SELENOH: variants seen among roughly 807,000 people sequenced by gnomAD.
The protein encoded by SELENOH is chromosome 11 open reading frame 31.
SELENOH carries 13 observed loss-of-function variants against 11.9 expected under a neutral mutation model. The ratio of observed to expected loss-of-function variants is 1.09; its 90% CI spans 0.71 to 1.74. The LOEUF (loss-of-function observed/expected upper bound fraction) is 1.74, where lower values mean the gene tolerates loss of function less well. SELENOH is among the 40% of genes most tolerant of loss of function. SELENOH has a pLI of 0.00. For missense variants in SELENOH, 223 were observed against 170.3 expected, an observed-to-expected ratio of 1.31 and a Z score of -1.72; for synonymous variants, 96 against 73.5, an observed-to-expected ratio of 1.31 and a Z score of -1.56.
chr11:57,742,088 TG>T, intron 2 of SELENOH, 28 bp from the exon 3 acceptor site: 1 of 1,599,090 alleles, frequency 6.3e-7, no homozygotes, highest in Non-Finnish European at 8.5e-7. Flanking sequence ...TCCGAAGTAT[TG>T]TAACTTCGCT....
Position 57,741,881 on chromosome 11 carries a change from T to TC in SELENOH, c.197dup (p.Val67SerfsTer?). On this transcript the variant is annotated frameshift_variant, in exon 2 of 4. Transcript: ENST00000534355. LOFTEE classifies it high-confidence loss of function. ...CGCTGCGCCTGGAGGCCCCAGAGCT[T>TC]CCAGTAAAGGTGAACCCGACGAAGC... 6.3e-7 allele frequency: 1 copy of TC among 1,599,510 alleles called. No homozygotes were observed. Among genetic ancestry groups the TC allele is most frequent in the Non-Finnish European group, 8.5e-7 (1 of 1,175,904 alleles).
Position 57,743,074 on chromosome 11 carries a change from G to C in SELENOH, c.*242G>C, listed in dbSNP as rs1311961817. On this transcript the variant is annotated 3_prime_UTR_variant, in exon 4 of 4. Transcript: ENST00000534355. ...AGAGTAAAACTTAATCTTAAGGGATGGACAAAGCCAGCCTTGTGGAGTTGG... is the reference window on the plus strand; with the variant it reads ...AGAGTAAAACTTAATCTTAAGGGATCGACAAAGCCAGCCTTGTGGAGTTGG... 2.0e-5 allele frequency: 3 copies of C among 152,504 alleles called. No homozygotes were observed. Among genetic ancestry groups the C allele is most frequent in the African/African-American group, 7.2e-5 (3 of 41,392 alleles). The allele number at this position is 152,504 out of a possible 1,614,324, so 9.4% of individuals were successfully genotyped here.
chr11:57,741,991 G>A (rs1949094963), intron 2 of SELENOH, 37 bp downstream of exon 2: 1 of 1,579,976 alleles, frequency 6.3e-7, no homozygotes, highest in Non-Finnish European at 8.6e-7. Flanking sequence ...GAGGGACGTG[G>A]GTGAAAGGGA....
rs747062765 is a variant in SELENOH at position 57,741,947 on chromosome 11, C to A, written c.261C>A (p.Asp87Glu). The change falls in exon 2 of 4, where the codon GAC becomes GAA. Residue 87 changes from aspartate (D) to glutamate (E), a missense_variant. Coordinates refer to ENST00000534355, the MANE Select transcript of SELENOH (RefSeq NM_170746.4). ...TCGAGGTGACGCTGCTGCGCCCGGA[C>A]GGCAGCAGTAAGTGGGGACCTGGAT... ...GSFEVTLLRPDGSSAELWTGI... is the reference protein window; with the variant it reads ...GSFEVTLLRPEGSSAELWTGI... The A allele has an allele frequency of 1.3e-6, 2 of 1,587,448 alleles. No individual in the cohort carries two copies. Among genetic ancestry groups the A allele is most frequent in the Non-Finnish European group, 1.7e-6 (2 of 1,171,220 alleles).
Position 57,741,791 on chromosome 11 carries a change from C to A in SELENOH, c.123-18C>A. The A allele has an allele frequency of 6.2e-7, 1 of 1,603,310 alleles. No homozygotes were observed. The highest frequency in any genetic ancestry group is 8.5e-7 in the Non-Finnish European group (1 of 1,175,216). On this transcript the variant is annotated intron_variant, in intron 1 of 3. Coordinates refer to ENST00000534355, the MANE Select transcript of SELENOH (RefSeq NM_170746.4). ...GGGGCCAGGGGCCCCGGTTTCTAACCTCTCCGTCTCTCCCTAGCACTAGCT... is the reference window on the plus strand; with the variant it reads ...GGGGCCAGGGGCCCCGGTTTCTAACATCTCCGTCTCTCCCTAGCACTAGCT...
chr11:57,741,964 G>T lies in SELENOH; in HGVS notation c.268+10G>T. The T allele has an allele frequency of 1.9e-6, 3 of 1,585,282 alleles. No individual in the cohort carries two copies. The highest frequency in any genetic ancestry group is 1.4e-5 in the African/African-American group (1 of 73,520). The stretch of plus-strand genomic sequence containing the variant: ...CGCCCGGACGGCAGCAGTAAGTGGG[G>T]ACCTGGATGTGGGGGAGAGGGACGT... On this transcript the variant is annotated intron_variant, in intron 2 of 3. Coordinates refer to ENST00000534355, the MANE Select transcript of SELENOH (RefSeq NM_170746.4).
rs1160757638 is a variant in SELENOH, at chr11:57,741,587, C to G, written c.-9C>G. 23 of 1,264,148 alleles carry G rather than the reference C, an allele frequency of 1.8e-5. No homozygotes were observed. Among genetic ancestry groups the G allele is most frequent in the Non-Finnish European group, 2.2e-5 (22 of 997,682 alleles). The allele number at this position is 1,264,148 out of a possible 1,614,324, so 78.3% of individuals were successfully genotyped here. ...GTCCCGCTGCATTCTCGGCCGGGCT[C>G]TAGGCGCCATGGCTCCCCGCGGGAG... is the stretch of plus-strand genomic sequence containing the variant. On this transcript the variant is annotated 5_prime_UTR_variant, in exon 1 of 4. Coordinates refer to ENST00000534355, the MANE Select transcript of SELENOH (RefSeq NM_170746.4).
intron 3 of SELENOH, chr11:57,742,449 C>T (rs1949110980): frequency 1.9e-6 from 1 of 532,996 alleles, no homozygotes; most frequent in Non-Finnish European, 3.4e-6. Context: ...ATATTGTTTT[C>T]TGTCTAGTGT....
Position 57,741,566 on chromosome 11 carries a change from C to G in SELENOH, c.-30C>G, listed in dbSNP as rs1286490243. 4.8e-6 allele frequency: 6 copies of G among 1,253,636 alleles called. No individual in the cohort carries two copies. The highest frequency in any genetic ancestry group is 7.9e-5 in the South Asian group (2 of 25,316). 77.7% of individuals were successfully genotyped at this position (1,253,636 alleles called of 1,614,324 possible). On this transcript the variant is annotated 5_prime_UTR_variant, in exon 1 of 4. Transcript: ENST00000534355. ...GTCTCCGCCCCCCACCCACCAGTCCCGCTGCATTCTCGGCCGGGCTCTAGG... is the reference window on the plus strand; with the variant it reads ...GTCTCCGCCCCCCACCCACCAGTCCGGCTGCATTCTCGGCCGGGCTCTAGG...
Position 57,742,282 on chromosome 11 carries a change from T to G in SELENOH, c.*30+35T>G, listed in dbSNP as rs1016402741. Reference sequence around the variant, plus strand: ...GGGAAGTGGGGGGCGCGACCGCTGTTGAGGAAGAGAAGGCATTGATCTTGG... The same window carrying G: ...GGGAAGTGGGGGGCGCGACCGCTGTGGAGGAAGAGAAGGCATTGATCTTGG... On this transcript the variant is annotated intron_variant, in intron 3 of 3. Coordinates refer to ENST00000534355, the MANE Select transcript of SELENOH (RefSeq NM_170746.4). 2.7e-5 allele frequency: 39 copies of G among 1,437,676 alleles called. 1 individual carries two copies. Among genetic ancestry groups the G allele is most frequent in the Middle Eastern group, 3.9e-4 (2 of 5,064 alleles). The allele number at this position is 1,437,676 out of a possible 1,614,324, so 89.1% of individuals were successfully genotyped here. A position where few individuals can be genotyped will look rare whatever the true frequency, so the allele number is the denominator to read the frequency against.
At chr11:57,741,754 G>C (rs1269051927) in intron 1 of SELENOH, 37 bp downstream of exon 1, 1 of 1,598,502 alleles carries the variant, frequency 6.3e-7, no homozygotes, top group African/African-American at 1.4e-5. Context: ...AGAGGGAACA[G>C]TGGCGCCGGG....
chr11:57,741,759 G>T, intron 1 of SELENOH, 42 bp downstream of exon 1: 1 of 1,597,200 alleles, frequency 6.3e-7, no homozygotes, highest in South Asian at 1.1e-5. Flanking sequence ...GAACAGTGGC[G>T]CCGGGGGGGG....
chr11:57,743,494 A>T lies in SELENOH; in HGVS notation c.*662A>T, dbSNP rs916041570. The T allele has an allele frequency of 6.6e-6, 1 of 152,240 alleles. No individual in the cohort carries two copies. 9.4% of individuals were successfully genotyped at this position (152,240 alleles called of 1,614,324 possible). On this transcript the variant is annotated 3_prime_UTR_variant, in exon 4 of 4. Coordinates refer to ENST00000534355, the MANE Select transcript of SELENOH (RefSeq NM_170746.4). ...CAACTTTTATGATCTCTGGTAAAAC[A>T]TGAGAAATACTTGTAAAAATTATGG... is the stretch of plus-strand genomic sequence containing the variant.
chr11:57,741,603 C>A lies in SELENOH; in HGVS notation c.8C>A (p.Pro3His). 7.9e-7 allele frequency: 1 copy of A among 1,271,222 alleles called. No individual in the cohort carries two copies. Among genetic ancestry groups the A allele is most frequent in the Non-Finnish European group, 1.0e-6 (1 of 1,001,250 alleles). The allele number at this position is 1,271,222 out of a possible 1,614,324, so 78.7% of individuals were successfully genotyped here. The change falls in exon 1 of 4, where the codon CCC becomes CAC. Residue 3 changes from proline to histidine, a missense_variant. By Grantham distance (77) the Pro-to-His change is moderately conservative. Transcript: ENST00000534355. MAPRGRKRKAEAA... is the reference protein window; with the variant it reads MAHRGRKRKAEAA... ...GGCCGGGCTCTAGGCGCCATGGCTC[C>A]CCGCGGGAGGAAGCGTAAGGCTGAG...
chr11:57,742,251 T>C lies in SELENOH; in HGVS notation c.*30+4T>C. ...GGGTAGAAGCCCTCATGCTGAGGTT[T>C]GAAATGGGAAGTGGGGGGCGCGACC... On this transcript the variant is annotated splice_donor_region_variant and intron_variant, in intron 3 of 3. Coordinates refer to ENST00000534355, the MANE Select transcript of SELENOH (RefSeq NM_170746.4). The C allele has an allele frequency of 6.4e-7, 1 of 1,562,802 alleles. No individual in the cohort carries two copies. Among genetic ancestry groups the C allele is most frequent in the Non-Finnish European group, 8.7e-7 (1 of 1,146,518 alleles).
chr11:57,742,196 G>C lies in SELENOH; in HGVS notation c.348G>C (p.Glu116Asp). Residue 116 changes from glutamate (E) to aspartate (D), a missense_variant, in exon 3 of 4, where the codon GAG (glutamate) becomes GAC (aspartate). Physicochemically the swap from Glu to Asp is conservative, Grantham distance 45. Coordinates refer to ENST00000534355, the MANE Select transcript of SELENOH (RefSeq NM_170746.4). ...CTGAGCCTCAAGAGGTGGTGGAAGAGTTGAAGAAGTACCTGTCGTAGGGAG... is the reference window on the plus strand; with the variant it reads ...CTGAGCCTCAAGAGGTGGTGGAAGACTTGAAGAAGTACCTGTCGTAGGGAG... ...KFPEPQEVVE[E>D]LKKYLS 1.2e-6 allele frequency: 2 copies of C among 1,610,614 alleles called. No homozygotes were observed. Among genetic ancestry groups the C allele is most frequent in the South Asian group, 1.1e-5 (1 of 90,110 alleles).
rs771399022 is a variant in SELENOH, at chr11:57,741,811, C to G, written c.125C>G (p.Thr42Ser). 2 of 1,605,734 alleles carry G rather than the reference C, an allele frequency of 1.2e-6. No homozygotes were observed. The highest frequency in any genetic ancestry group is 2.2e-5 in the South Asian group (2 of 89,746). Residue 42 changes from threonine (T) to serine (S), a missense_variant and splice_region_variant, in exon 2 of 4, where the codon ACT becomes AGT. By Grantham distance (58) the Thr-to-Ser change is moderately conservative. Transcript: ENST00000534355. ...EEATVVIEHC[T>S]SURVYGRNAA... ...CTAACCTCTCCGTCTCTCCCTAGCA[C>G]TAGCTGACGCGTCTATGGGCGCAAC...
rs1469861816 is a variant in SELENOH at position 57,742,136 on chromosome 11, G to A, written c.288G>A (p.Gly96=). 4 of 1,611,700 alleles carry A rather than the reference G, an allele frequency of 2.5e-6. No homozygotes were observed. Among genetic ancestry groups the A allele is most frequent in the Admixed American group, 3.4e-5 (2 of 59,624 alleles). ...TTTCAGGTGCGGAGCTCTGGACTGG[G>A]ATTAAGAAGGGGCCCCCACGCAAAC... is the stretch of plus-strand genomic sequence containing the variant. ...PDGSSAELWT[G]IKKGPPRKLK... is the part of the protein sequence containing the mutation. The change falls in exon 3 of 4, where the codon GGG becomes GGA. Residue 96 remains glycine, a synonymous_variant. Coordinates refer to ENST00000534355, the MANE Select transcript of SELENOH (RefSeq NM_170746.4).
At chr11:57,742,510 G>T in intron 3 of SELENOH, 1 of 398,864 alleles carries the variant, frequency 2.5e-6, no homozygotes. Context: ...ACTTGCCCTG[G>T]GGGTATGGAC....
Sources: gnomAD v4.1 joint callset for allele counts on GRCh38, gnomAD v4.1.1 for gene constraint, MANE v1.5 for transcripts, NCBI Gene and HGNC (gene_info 2026-07-23, HGNC 2026-07-21) for gene names.